CPEB3: variants seen among roughly 807,000 people sequenced by gnomAD.
CPEB3 encodes the protein cytoplasmic polyadenylation element binding protein 3.
Under a neutral mutation model 67.2 loss-of-function variants are expected in CPEB3, and 20 were observed. The observed-to-expected ratio is 0.30, with a 90% confidence interval of 0.21 to 0.43. The LOEUF (loss-of-function observed/expected upper bound fraction) is 0.43, where lower values mean the gene tolerates loss of function less well. Ranked by LOEUF, CPEB3 falls within the 20% of genes least tolerant of loss-of-function variation. CPEB3 has a pLI of 1.00. For missense variants in CPEB3, 746 were observed against 968.6 expected (o/e 0.77, Z 3.05); for synonymous variants, 376 against 393.1 (o/e 0.96, Z 0.51).
chr10:92,062,062 T>C (rs1842376706), intron 9 of CPEB3, among the ~76,000 whole-genome samples: 1 of 151,970 alleles, frequency 6.6e-6, no homozygotes, highest in Non-Finnish European at 1.5e-5. Context: ...GTTAACATGG[T>C]GAAACCCAAT....
chr10:92,253,000 T>G (rs1181635925), intron 1 of CPEB3, among the ~76,000 whole-genome samples: 2 of 152,060 alleles, frequency 1.3e-5, no homozygotes, highest in African/African-American at 4.8e-5. Context: ...GACAGCTCAC[T>G]GCAACCTCCA....
intron 1 of CPEB3, among the ~76,000 whole-genome samples, chr10:92,286,102 A>G (rs1364443724): frequency 6.6e-6 from 1 of 151,638 alleles, no homozygotes; most frequent in East Asian, 1.9e-4. Flanking sequence ...TGCCCGGCTA[A>G]TTTTTTGTAT....
chr10:92,156,407 C>T (rs1461867487), intron 4 of CPEB3, among the ~76,000 whole-genome samples: 1 of 151,878 alleles, frequency 6.6e-6, no homozygotes, highest in Admixed American at 6.6e-5. Context: ...TGACACAAAG[C>T]GGTGTTTCAG....
intron 9 of CPEB3, among the ~76,000 whole-genome samples, chr10:92,065,341 C>T (rs1055849293): frequency 6.6e-6 from 1 of 152,176 alleles, no homozygotes; most frequent in Non-Finnish European, 1.5e-5. Context: ...GTGCATCAGC[C>T]GCCCGAGTAG....
intron 7 of CPEB3, among the ~76,000 whole-genome samples, chr10:92,109,500 C>T (rs1205212354): frequency 2.6e-5 from 4 of 152,096 alleles, no homozygotes; most frequent in Non-Finnish European, 5.9e-5. Context: ...GATCCACCCA[C>T]CTTGGCCTCC....
At chr10:92,288,454 C>CAAAAA (rs367876455) in intron 1 of CPEB3, among the ~76,000 whole-genome samples, 1 of 113,006 alleles carries the variant, frequency 8.8e-6, no homozygotes, top group African/African-American at 3.5e-5. Context: ...GACTCTGTCT[C>CAAAAA]AAAAAAAAAA....
intron 4 of CPEB3, among the ~76,000 whole-genome samples, chr10:92,146,553 C>A (rs1223949722): frequency 6.6e-6 from 1 of 151,844 alleles, no homozygotes; most frequent in African/African-American, 2.4e-5. Context: ...ATATAAATAG[C>A]CCTTAGAAAA....
At chr10:92,248,331 CT>C (rs1465413937) in intron 1 of CPEB3, among the ~76,000 whole-genome samples, 2 of 152,142 alleles carry the variant, frequency 1.3e-5, no homozygotes, top group South Asian at 4.1e-4. Context: ...CAAGCATTCA[CT>C]TTTTTTTCCA....
intron 2 of CPEB3, among the ~76,000 whole-genome samples, chr10:92,200,721 C>A (rs542649099): frequency 3.3e-5 from 5 of 151,424 alleles, no homozygotes; most frequent in Non-Finnish European, 5.9e-5. Flanking sequence ...AAAAAAAAAA[C>A]CAAGGATAGT....
intron 6 of CPEB3, among the ~76,000 whole-genome samples, chr10:92,142,752 C>T (rs1208734806): frequency 6.6e-6 from 1 of 152,176 alleles, no homozygotes; most frequent in Admixed American, 6.6e-5. Flanking sequence ...CTAGATCTTT[C>T]CTTTCAAAAT....
chr10:92,252,384 C>T (rs941964698), intron 1 of CPEB3, among the ~76,000 whole-genome samples: 2 of 152,088 alleles, frequency 1.3e-5, no homozygotes, highest in Non-Finnish European at 2.9e-5. Context: ...AATCATTTAG[C>T]AGTGTCTATT....
intron 1 of CPEB3, chr10:92,243,213 A>G (rs1851922587): frequency 6.6e-6 from 1 of 152,156 alleles, no homozygotes; most frequent in Non-Finnish European, 1.5e-5. Context: ...TTAAAAGTAT[A>G]CAGTATTTAT....
intron 2 of CPEB3, among the ~76,000 whole-genome samples, chr10:92,196,793 A>T (rs941975714): frequency 6.6e-5 from 10 of 151,526 alleles, no homozygotes; most frequent in Non-Finnish European, 1.3e-4. Context: ...TTAGCCAGGC[A>T]TTGTGGCAGG....
At position 92,246,365 on chromosome 10, in the gene CPEB3, AT is replaced by A. The variant is rs1483772046; in HGVS notation, c.-11-6005del. 1.2e-4 allele frequency among the ~76,000 whole-genome samples: 18 copies of A among 152,090 alleles called. No homozygotes were observed. The South Asian group carries it at 2.5e-3, about 21-fold the overall frequency. Reference sequence around the variant, plus strand: ...AAAAAAAAAAACGAAAAACAAAAAAATAAAATAAAATAAAAATACCCTTCAT... The same window carrying A: ...AAAAAAAAAAACGAAAAACAAAAAAAAAAATAAAATAAAAATACCCTTCAT... On this transcript the variant is annotated intron_variant, in intron 1 of 9. Transcript: ENST00000265997.
At chr10:92,244,799 G>A (rs2134727722) in intron 1 of CPEB3, among the ~76,000 whole-genome samples, 2 of 152,158 alleles carry the variant, frequency 1.3e-5, no homozygotes, top group Middle Eastern at 6.8e-3. Flanking sequence ...TGATTCCAAG[G>A]CTGGAATCTC....
At chr10:92,068,594 T>G (rs1317248005) in intron 9 of CPEB3, among the ~76,000 whole-genome samples, 1 of 152,140 alleles carries the variant, frequency 6.6e-6, no homozygotes, top group Non-Finnish European at 1.5e-5. Flanking sequence ...TTTCCAATTC[T>G]TTATCTCATA....
intron 1 of CPEB3, among the ~76,000 whole-genome samples, chr10:92,249,864 T>C (rs1852220272): frequency 6.7e-6 from 1 of 149,770 alleles, no homozygotes; most frequent in Non-Finnish European, 1.5e-5. Context: ...CTACTAAAAA[T>C]ACAAAAAAAT....
chr10:92,138,180 G>C, intron 6 of CPEB3: 1 of 213,236 alleles, frequency 4.7e-6, no homozygotes, highest in Non-Finnish European at 9.9e-6. Flanking sequence ...TTCATGTGCA[G>C]CAGGTTTCTT....
At chr10:92,232,135 C>T (rs1359644144) in intron 2 of CPEB3, among the ~76,000 whole-genome samples, 1 of 151,714 alleles carries the variant, frequency 6.6e-6, no homozygotes, top group Non-Finnish European at 1.5e-5. Flanking sequence ...TCACTGCAAC[C>T]TCCAGCTCCC....
Sources: gnomAD v4.1 joint callset for allele counts (sites outside exome capture counted in the v4.1 genomes callset) on GRCh38, gnomAD v4.1.1 for gene constraint, MANE v1.5 for transcripts, NCBI Gene and HGNC (gene_info 2026-07-23, HGNC 2026-07-21) for gene names.